Variants in GNAI1 observed in about 807,000 individuals in gnomAD.
GNAI1 encodes the protein guanine nucleotide-binding protein G(i) subunit alpha-1.
Under a neutral mutation model 38.9 loss-of-function variants are expected in GNAI1, and 11 were observed. The ratio of observed to expected loss-of-function variants is 0.28; its 90% CI spans 0.18 to 0.47. GNAI1 has a LOEUF of 0.47. GNAI1 is among the 20% of genes least tolerant of loss of function. GNAI1 has a pLI of 0.99. For missense variants in GNAI1, 317 were observed against 436.9 expected (o/e 0.73, Z 2.45); for synonymous variants, 166 against 145.1 (o/e 1.14, Z -1.04).
chr7:80,210,996 T>G lies in GNAI1; in HGVS notation c.618T>G (p.Ser206=). Residue 206 remains serine (S), a synonymous_variant, in exon 6 of 8, where the codon TCT becomes TCG. Transcript: ENST00000649796. ...TGTTTGATGTGGGAGGTCAGAGATC[T>G]GAGCGGAAGAAGTGGATTCATTGCT... ...FKMFDVGGQR[S]ERKKWIHCFE... 6.2e-7 allele frequency: 1 copy of G among 1,613,372 alleles called. No homozygotes were observed. The highest frequency in any genetic ancestry group is 8.5e-7 in the Non-Finnish European group (1 of 1,179,266).
At chr7:80,141,057 AC>A (rs1186096155) in intron 1 of GNAI1, among the ~76,000 whole-genome samples, 1 of 152,198 alleles carries the variant, frequency 6.6e-6, no homozygotes, top group Non-Finnish European at 1.5e-5. Flanking sequence ...CATTGGGCCC[AC>A]CCACATAATC....
chr7:80,162,498 A>G (rs1221806442), intron 1 of GNAI1, among the ~76,000 whole-genome samples: 2 of 152,238 alleles, frequency 1.3e-5, no homozygotes, highest in East Asian at 1.9e-4. Context: ...GGTTAATACA[A>G]GCAACAGGAA....
chr7:80,175,132 C>T (rs1227374437), intron 1 of GNAI1, among the ~76,000 whole-genome samples: 1 of 152,120 alleles, frequency 6.6e-6, no homozygotes, highest in Non-Finnish European at 1.5e-5. Context: ...TATGGTTAGT[C>T]CACCTTGGGA....
intron 1 of GNAI1, among the ~76,000 whole-genome samples, chr7:80,169,652 A>G (rs1024885939): frequency 6.6e-6 from 1 of 152,196 alleles, no homozygotes; most frequent in African/African-American, 2.4e-5. Context: ...ATTATTGATT[A>G]CCAAATTTTA....
intron 1 of GNAI1, 136 bp downstream of exon 1, chr7:80,135,414 C>T (rs1252337002): frequency 1.8e-5 from 9 of 499,550 alleles, no homozygotes; most frequent in South Asian, 4.6e-5. Context: ...CTGGGTCCGG[C>T]GGTGCGGAGG....
At chr7:80,161,646 T>G (rs185036543) in intron 1 of GNAI1, among the ~76,000 whole-genome samples, 86 of 152,336 alleles carry the variant, frequency 5.6e-4, no homozygotes, top group African/African-American at 1.6e-3. Flanking sequence ...TTTATTAAAT[T>G]TAAATGTGTG....
In GNAI1 at chr7:80,219,665, C is replaced by T. The variant is rs1314604791; in HGVS notation, c.*2172C>T. On this transcript the variant is annotated 3_prime_UTR_variant, in exon 8 of 8. Transcript: ENST00000649796. The stretch of plus-strand genomic sequence containing the variant: ...TTCTCTCCTTACACCAGTTCTCACC[C>T]TGACTTTGCCATTTTTCCTTACTAA... Among the ~76,000 whole-genome samples the T allele has an allele frequency of 3.9e-5, 6 of 152,148 alleles. No homozygotes were observed. Among genetic ancestry groups the T allele is most frequent in the Non-Finnish European group, 1.5e-5 (1 of 68,016 alleles).
chr7:80,192,575 A>G (rs995763684), intron 3 of GNAI1, among the ~76,000 whole-genome samples: 9 of 152,200 alleles, frequency 5.9e-5, no homozygotes, highest in African/African-American at 2.2e-4. Flanking sequence ...GGGAAATAAT[A>G]TCTATGTTGT....
At position 80,216,067 on chromosome 7, in the gene GNAI1, C is replaced by T. The variant is rs188811391; in HGVS notation, c.875-1236C>T. On this transcript the variant is annotated intron_variant, in intron 7 of 7. Transcript: ENST00000649796. ...TATTACTACAAAAGAGGGGTTTAAA[C>T]AGTTTTTTTCCAAATGAAATTTGAA... Among the ~76,000 whole-genome samples the T allele has an allele frequency of 3.2e-3, 483 of 152,170 alleles. 4 individuals are homozygous for T. Among genetic ancestry groups the T allele is most frequent in the African/African-American group, 0.011 (459 of 41,518 alleles).
intron 1 of GNAI1, among the ~76,000 whole-genome samples, chr7:80,158,186 TTCAG>T (rs1787852531): frequency 6.6e-6 from 1 of 152,220 alleles, no homozygotes; most frequent in African/African-American, 2.4e-5. Context: ...GTTCTTCTCC[TTCAG>T]TATCATGTTG....
chr7:80,201,525 C>T (rs191495929), intron 4 of GNAI1, among the ~76,000 whole-genome samples: 301 of 152,156 alleles, frequency 2.0e-3, no homozygotes, highest in Non-Finnish European at 3.2e-3. Context: ...TCCAGACCAT[C>T]CTGGCCAACA....
At chr7:80,186,596 A>C (rs971554468) in intron 1 of GNAI1, among the ~76,000 whole-genome samples, 3 of 152,202 alleles carry the variant, frequency 2.0e-5, no homozygotes, top group African/African-American at 7.2e-5. Context: ...CGTGGATCTC[A>C]AAACTCACGA....
chr7:80,155,224 A>G (rs1419736282), intron 1 of GNAI1, among the ~76,000 whole-genome samples: 1 of 152,178 alleles, frequency 6.6e-6, no homozygotes, highest in African/African-American at 2.4e-5. Flanking sequence ...ATGAAGGAAG[A>G]CAGAATATTC....
intron 1 of GNAI1, among the ~76,000 whole-genome samples, chr7:80,154,675 AGTTG>A (rs898020422): frequency 1.3e-5 from 2 of 152,156 alleles, no homozygotes; most frequent in Non-Finnish European, 2.9e-5. Context: ...CATCTTTTAT[AGTTG>A]GTTTTCTTTA....
intron 5 of GNAI1, among the ~76,000 whole-genome samples, chr7:80,208,525 A>G (rs1788817289): frequency 6.6e-6 from 1 of 152,094 alleles, no homozygotes; most frequent in Admixed American, 6.6e-5. Context: ...GGATTAATTG[A>G]TCCTCAAAAG....
chr7:80,214,197 A>C (rs1584056819), intron 7 of GNAI1, among the ~76,000 whole-genome samples: 2 of 152,196 alleles, frequency 1.3e-5, no homozygotes, highest in African/African-American at 4.8e-5. Flanking sequence ...CTTCAGTTCA[A>C]ACTAATTTCA....
At chr7:80,191,213 A>T (rs1176727910) in intron 3 of GNAI1, among the ~76,000 whole-genome samples, 1 of 151,966 alleles carries the variant, frequency 6.6e-6, no homozygotes, top group Non-Finnish European at 1.5e-5. Context: ...ATCTTTACGT[A>T]AGCTTTCAAA....
intron 1 of GNAI1, among the ~76,000 whole-genome samples, chr7:80,160,203 G>GTT (rs11322122): frequency 3.4e-5 from 5 of 145,250 alleles, no homozygotes; most frequent in African/African-American, 2.5e-5. Context: ...ATTTTAGACA[G>GTT]TTTTTTTTTT....
intron 1 of GNAI1, among the ~76,000 whole-genome samples, chr7:80,138,462 T>C (rs76965569): frequency 0.013 from 1,968 of 152,326 alleles, 24 homozygotes; most frequent in East Asian, 0.064. Context: ...TAATACTTAA[T>C]AGAGAAACAT....
Sources: gnomAD v4.1 joint callset for allele counts (sites outside exome capture counted in the v4.1 genomes callset) on GRCh38, gnomAD v4.1.1 for gene constraint, MANE v1.5 for transcripts, NCBI Gene and HGNC (gene_info 2026-07-23, HGNC 2026-07-21) for gene names.